The following LTBP1 variants were observed in gnomAD, a reference collection of about 807,000 sequenced individuals.
The protein encoded by LTBP1 is latent-transforming growth factor beta-binding protein 1.
In LTBP1, 129 loss-of-function variants were observed where a neutral mutation model predicts 207.6. That is an observed-to-expected ratio of 0.62 (90% CI 0.54 to 0.72). The LOEUF (loss-of-function observed/expected upper bound fraction) is 0.72, where lower values mean the gene tolerates loss of function less well. LTBP1 is among the 30% of genes least tolerant of loss of function. The pLI is 0.00. For missense variants in LTBP1, 2,281 were observed against 2,217.2 expected, an observed-to-expected ratio of 1.03 and a Z score of -0.58; for synonymous variants, 963 against 833.7, an observed-to-expected ratio of 1.16 and a Z score of -2.67.
intron 3 of LTBP1, among the ~76,000 whole-genome samples, chr2:33,076,164 A>T (rs988316192): frequency 6.6e-6 from 1 of 152,232 alleles, no homozygotes; most frequent in African/African-American, 2.4e-5. Context: ...TCACCAGGGA[A>T]AAATGTGACT....
intron 31 of LTBP1, among the ~76,000 whole-genome samples, chr2:33,372,684 G>A (rs1240332523): frequency 1.3e-5 from 2 of 152,294 alleles, no homozygotes; most frequent in Non-Finnish European, 2.9e-5. Flanking sequence ...GACTGGCCTG[G>A]CCAACGTGGT....
At chr2:33,180,689 T>C (rs5006120) in intron 5 of LTBP1, among the ~76,000 whole-genome samples, 78,672 of 151,768 alleles carry the variant, frequency 0.52, 20,614 homozygotes, top group African/African-American at 0.53. Context: ...CTCCTGGCCT[T>C]AAGTGATCTG....
At chr2:32,970,398 T>C (rs900823747) in intron 2 of LTBP1, among the ~76,000 whole-genome samples, 22 of 152,358 alleles carry the variant, frequency 1.4e-4, no homozygotes, top group African/African-American at 5.3e-4. Flanking sequence ...AGGTTTTATG[T>C]TTAAGTATTT....
chr2:32,977,955 A>G lies in LTBP1; in HGVS notation c.565+29010A>G, dbSNP rs181696288. Among the ~76,000 whole-genome samples, 7 of 151,874 alleles carry G rather than the reference A, an allele frequency of 4.6e-5. No homozygotes were observed. The East Asian group carries it at 9.7e-4, about 21-fold the overall frequency. On this transcript the variant is annotated intron_variant, in intron 2 of 33. Transcript: ENST00000404816. ...TCACTGCTTGGGTTAATTCCTAGGT[A>G]TTTTATTTTATTTGTAGCTATTGTA...
intron 8 of LTBP1, among the ~76,000 whole-genome samples, chr2:33,220,599 G>A (rs965712151): frequency 1.1e-4 from 16 of 152,242 alleles, no homozygotes; most frequent in African/African-American, 3.6e-4. Flanking sequence ...AGGACTGTAA[G>A]AGATTGCCTG....
chr2:33,365,360 A>G lies in LTBP1; in HGVS notation c.4568A>G (p.Gln1523Arg). ...NEQIEETDVY[Q>R]DLCWEHLSDE... Reference sequence around the variant, plus strand: ...CAAATAGAAGAAACTGATGTCTACCAAGATTTGTGCTGGGAACATCTGAGT... The same window carrying G: ...CAAATAGAAGAAACTGATGTCTACCGAGATTTGTGCTGGGAACATCTGAGT... Residue 1523 changes from glutamine to arginine, a missense_variant, in exon 31 of 34, where the codon CAA becomes CGA. This residue lies in a region of LTBP1 where 1,671 missense variants were observed against 1,634.8 expected (regional missense o/e 1.02). Coordinates refer to ENST00000404816, the MANE Select transcript of LTBP1 (RefSeq NM_206943.4). The G allele has an allele frequency of 6.2e-7, 1 of 1,614,204 alleles. No individual in the cohort carries two copies. Among genetic ancestry groups the G allele is most frequent in the Non-Finnish European group, 8.5e-7 (1 of 1,180,022 alleles).
intron 2 of LTBP1, among the ~76,000 whole-genome samples, chr2:32,958,830 A>G (rs979414339): frequency 1.3e-5 from 2 of 151,964 alleles, no homozygotes; most frequent in African/African-American, 4.8e-5. Flanking sequence ...ACAACACCTT[A>G]CTCTGTTTCC....
At chr2:33,156,284 C>T (rs1408920235) in intron 5 of LTBP1, among the ~76,000 whole-genome samples, 4 of 152,174 alleles carry the variant, frequency 2.6e-5, no homozygotes, top group African/African-American at 9.7e-5. Flanking sequence ...GTGATGTTGT[C>T]TCATAGCTAA....
chr2:33,335,319 C>T (rs2094542263), intron 24 of LTBP1, among the ~76,000 whole-genome samples: 1 of 149,258 alleles, frequency 6.7e-6, no homozygotes, highest in African/African-American at 2.6e-5. Flanking sequence ...GACTTGTGAC[C>T]ATCAAGGTCC....
chr2:33,335,928 C>T (rs1243815706), intron 24 of LTBP1, among the ~76,000 whole-genome samples: 1 of 152,110 alleles, frequency 6.6e-6, no homozygotes, highest in African/African-American at 2.4e-5. Context: ...CCATTTTCTT[C>T]TTATGAAGAG....
chr2:32,964,932 C>G (rs112047164), intron 2 of LTBP1, among the ~76,000 whole-genome samples: 1 of 151,840 alleles, frequency 6.6e-6, no homozygotes, highest in African/African-American at 2.4e-5. Flanking sequence ...CCCAGCTACT[C>G]GGGAGGCTGA....
intron 5 of LTBP1, among the ~76,000 whole-genome samples, chr2:33,180,619 T>C (rs5006123): frequency 0.52 from 78,275 of 151,286 alleles, 20,438 homozygotes; most frequent in African/African-American, 0.53. Context: ...GTCTGGCTAA[T>C]TTTTGGGATG....
intron 2 of LTBP1, among the ~76,000 whole-genome samples, chr2:32,962,589 C>G (rs1472440480): frequency 6.6e-6 from 1 of 152,186 alleles, no homozygotes; most frequent in African/African-American, 2.4e-5. Context: ...TCAATGAATA[C>G]TGAGATTATG....
At chr2:32,958,461 C>T (rs1678458024) in intron 2 of LTBP1, among the ~76,000 whole-genome samples, 1 of 152,138 alleles carries the variant, frequency 6.6e-6, no homozygotes, top group Non-Finnish European at 1.5e-5. Context: ...TTGATGCTCC[C>T]TAAGCACTCT....
At chr2:33,236,362 T>C (rs2092049776) in intron 9 of LTBP1, among the ~76,000 whole-genome samples, 1 of 152,236 alleles carries the variant, frequency 6.6e-6, no homozygotes. Flanking sequence ...TTAACTGTTC[T>C]GGTCATCCTC....
chr2:33,389,702 C>T (rs1467126266), intron 32 of LTBP1, among the ~76,000 whole-genome samples: 2 of 152,118 alleles, frequency 1.3e-5, no homozygotes, highest in Non-Finnish European at 2.9e-5. Flanking sequence ...TGCAGTGGCA[C>T]GATCTCAGCT....
intron 19 of LTBP1, 21 bp downstream of exon 19, chr2:33,280,179 A>G: frequency 6.3e-7 from 1 of 1,590,862 alleles, no homozygotes; most frequent in Non-Finnish European, 8.5e-7. Context: ...TAGTGTACTT[A>G]TCAAAGATTT....
chr2:33,391,232 C>G (rs2095311869), intron 32 of LTBP1, among the ~76,000 whole-genome samples: 1 of 151,758 alleles, frequency 6.6e-6, no homozygotes, highest in Non-Finnish European at 1.5e-5. Flanking sequence ...CTCCAGAAGG[C>G]CCCTGGTGCC....
chr2:33,223,145 A>G (rs756668061), intron 9 of LTBP1, among the ~76,000 whole-genome samples: 12 of 152,212 alleles, frequency 7.9e-5, no homozygotes, highest in Non-Finnish European at 1.5e-4. Context: ...CAAATGGCTC[A>G]TGTCAAAGGA....
Sources: allele counts gnomAD v4.1 joint callset (sites outside exome capture counted in the v4.1 genomes callset), GRCh38; gene constraint gnomAD v4.1.1; regional missense constraint gnomAD v4.1.1; transcripts MANE v1.5; gene names NCBI Gene and HGNC (gene_info 2026-07-23, HGNC 2026-07-21).